The following MAP1LC3A variants were observed in gnomAD, a reference collection of about 807,000 sequenced individuals.
The protein encoded by MAP1LC3A is microtubule associated protein 1 light chain 3 alpha.
In MAP1LC3A, 10 loss-of-function variants were observed where a neutral mutation model predicts 15.2. The observed-to-expected ratio is 0.66, with a 90% confidence interval of 0.41 to 1.12. MAP1LC3A has a LOEUF of 1.12. MAP1LC3A is among the 50% of genes most tolerant of loss of function. The probability of loss-of-function intolerance (pLI) is 0.00; values close to 1 mark genes in which losing one functional copy is unlikely to be tolerated. For synonymous variants in MAP1LC3A, 63 were observed against 64.3 expected (o/e 0.98, Z 0.10); for missense variants, 138 against 167.3 (o/e 0.82, Z 0.97).
At chr20:34,559,668 G>A (rs1383551027) in intron 3 of MAP1LC3A, 68 bp from the exon 4 acceptor site, 9 of 1,490,414 alleles carry the variant, frequency 6.0e-6, no homozygotes, top group Non-Finnish European at 7.3e-6. Context: ...GAATCATTCT[G>A]GGGGTCAGGG....
At chr20:34,546,984 G>A (rs1156882612) in intron 1 of MAP1LC3A, 2 of 152,372 alleles carry the variant, frequency 1.3e-5, no homozygotes, top group Non-Finnish European at 2.9e-5. Context: ...AGTCCATGGG[G>A]CGTGAGGAGG....
rs897762735 is a variant in MAP1LC3A, at chr20:34,559,418, C to A, written c.168C>A (p.Asp56Glu). The A allele has an allele frequency of 6.2e-7, 1 of 1,613,204 alleles. No individual in the cohort carries two copies. The highest frequency in any genetic ancestry group is 1.3e-5 in the African/African-American group (1 of 74,826). The change falls in exon 3 of 4, where the codon GAC (aspartate) becomes GAA (glutamate). Residue 56 changes from aspartate (D) to glutamate (E), a missense_variant. By Grantham distance (45) the Asp-to-Glu change is conservative (BLOSUM62 2). Transcript: ENST00000360668. Reference protein sequence around the residue: ...VLDKTKFLVPDHVNMSELVKI... With the variant: ...VLDKTKFLVPEHVNMSELVKI... ...ACAAGACCAAGTTTTTGGTCCCGGACCATGTCAACATGAGCGAGTTGGTCA... is the reference window on the plus strand; with the variant it reads ...ACAAGACCAAGTTTTTGGTCCCGGAACATGTCAACATGAGCGAGTTGGTCA...
chr20:34,559,594 CG>C, intron 3 of MAP1LC3A, 141 bp downstream of exon 3: 1 of 1,233,138 alleles, frequency 8.1e-7, no homozygotes. Context: ...AGGTCAAGGT[CG>C]GGGCTGCAGT....
intron 2 of MAP1LC3A, among the ~76,000 whole-genome samples, chr20:34,552,274 C>T (rs1207005058): frequency 1.3e-5 from 2 of 152,386 alleles, no homozygotes; most frequent in East Asian, 3.9e-4. Context: ...GCTTGGGTTA[C>T]AGGCGTGAGC....
upstream of MAP1LC3A, chr20:34,558,610 GCT>G: frequency 8.2e-7 from 1 of 1,216,502 alleles, no homozygotes; most frequent in Non-Finnish European, 1.0e-6. This position sits in a 1 kb window ranked among gnomAD's most constrained non-coding sequence, Gnocchi z 4.3. Context: ...GCGGACCCAG[GCT>G]CTCTGCGCCG....
intron 1 of MAP1LC3A, among the ~76,000 whole-genome samples, chr20:34,548,315 G>T (rs1372762897): frequency 6.6e-6 from 1 of 152,228 alleles, no homozygotes; most frequent in East Asian, 1.9e-4. Flanking sequence ...GGTGTGGAGA[G>T]AACCCAGGAC....
At chr20:34,558,400 C>T, upstream of MAP1LC3A, 1 of 990,292 alleles carries the variant, frequency 1.0e-6, no homozygotes, top group Non-Finnish European at 1.2e-6. The surrounding 1 kb of genome is among the most constrained non-coding windows in gnomAD (Gnocchi z 4.3). Flanking sequence ...AGAACCGCGT[C>T]AGTCCTGACA....
upstream of MAP1LC3A, among the ~76,000 whole-genome samples, chr20:34,555,996 C>T (rs1208834988): frequency 3.3e-5 from 5 of 152,088 alleles, no homozygotes; most frequent in African/African-American, 1.2e-4. Flanking sequence ...GCGCCCGCCA[C>T]CACGCCCAGC....
chr20:34,559,272 C>A lies in MAP1LC3A; in HGVS notation c.96+9C>A. The A allele has an allele frequency of 6.2e-7, 1 of 1,601,122 alleles. No homozygotes were observed. The highest frequency in any genetic ancestry group is 2.3e-5 in the East Asian group (1 of 44,030). ...ACCCCAGCAAAATCCCGGTGAGTCCCGCACCCCCAGCCCTGCCCCGCCCCC... is the reference window on the plus strand; with the variant it reads ...ACCCCAGCAAAATCCCGGTGAGTCCAGCACCCCCAGCCCTGCCCCGCCCCC... On this transcript the variant is annotated intron_variant, in intron 2 of 3. Coordinates refer to ENST00000360668, the MANE Select transcript of MAP1LC3A (RefSeq NM_032514.4).
At chr20:34,559,524 G>T in intron 3 of MAP1LC3A, 71 bp downstream of exon 3, 1 of 1,435,394 alleles carries the variant, frequency 7.0e-7, no homozygotes, top group East Asian at 2.3e-5. Flanking sequence ...GAGAAGGGGT[G>T]GGAGTGGGGT....
upstream of MAP1LC3A, among the ~76,000 whole-genome samples, chr20:34,556,257 G>A (rs1157573740): frequency 2.0e-5 from 3 of 152,172 alleles, no homozygotes; most frequent in Non-Finnish European, 2.9e-5. Flanking sequence ...GAGCTTACGC[G>A]GCTTTTGTCT....
At chr20:34,558,491 G>A, upstream of MAP1LC3A, 1 of 1,032,530 alleles carries the variant, frequency 9.7e-7, no homozygotes, top group Non-Finnish European at 1.2e-6. The surrounding 1 kb of genome is among the most constrained non-coding windows in gnomAD (Gnocchi z 4.3). Context: ...CGGCCCCACC[G>A]CCCTCCGGGC....
At chr20:34,552,963 T>C (rs1467626917) in intron 2 of MAP1LC3A, among the ~76,000 whole-genome samples, 1 of 152,082 alleles carries the variant, frequency 6.6e-6, no homozygotes, top group Admixed American at 6.5e-5. Flanking sequence ...CCAAGGCAGG[T>C]GGATCGCCTG....
upstream of MAP1LC3A, among the ~76,000 whole-genome samples, chr20:34,556,561 G>A (rs1167859477): frequency 6.7e-6 from 1 of 150,360 alleles, no homozygotes; most frequent in Non-Finnish European, 1.5e-5. Flanking sequence ...TGGAGGACCT[G>A]GCAATTTCTC....
At chr20:34,559,148 A>T (rs1982304229) in intron 1 of MAP1LC3A, 60 bp from the exon 2 acceptor site, 2 of 1,452,018 alleles carry the variant, frequency 1.4e-6, no homozygotes, top group Non-Finnish European at 1.8e-6. Context: ...CCCCTCCGGG[A>T]CAGGCGGGGC....
rs961706019 is a variant in MAP1LC3A, at chr20:34,559,099, C to CG, written c.41-104dup. 4.4e-6 allele frequency: 6 copies of CG among 1,350,918 alleles called. No individual in the cohort carries two copies. In the African/African-American group the frequency reaches 7.8e-5, roughly 18 times the overall value. 83.7% of individuals were successfully genotyped at this position (1,350,918 alleles called of 1,614,324 possible). On this transcript the variant is annotated intron_variant, in intron 1 of 3. Transcript: ENST00000360668. ...CAGGGGCTGTGGGGCCTGATGGCCC[C>CG]GGGGGTGGGGGCTGGAGCTGGGGCG...
At chr20:34,553,937 TCTTACC>T (rs1271145181), upstream of MAP1LC3A, among the ~76,000 whole-genome samples, 1 of 152,222 alleles carries the variant, frequency 6.6e-6, no homozygotes, top group Non-Finnish European at 1.5e-5. Context: ...CAATAAACAT[TCTTACC>T]CTTGTTTCCC....
At chr20:34,555,653 ATTT>A (rs35387399), upstream of MAP1LC3A, among the ~76,000 whole-genome samples, 2 of 144,450 alleles carry the variant, frequency 1.4e-5, no homozygotes, top group Non-Finnish European at 3.1e-5. Flanking sequence ...TATAAATCTG[ATTT>A]TTTTTTTTTT....
upstream of MAP1LC3A, among the ~76,000 whole-genome samples, chr20:34,554,354 GTTTTTTTTTTTTTTTTTTTTTT>G (rs537779341): frequency 6.6e-3 from 696 of 106,144 alleles, 16 homozygotes; most frequent in African/African-American, 0.02. Context: ...TATACGTTGG[GTTTTTTTTTTTTTTTTTTTTTT>G]TTTTTTTTTT....
Sources: allele counts gnomAD v4.1 joint callset (sites outside exome capture counted in the v4.1 genomes callset), GRCh38; gene constraint gnomAD v4.1.1; non-coding constraint Gnocchi (gnomAD v3.1); transcripts MANE v1.5; gene names NCBI Gene and HGNC (gene_info 2026-07-23, HGNC 2026-07-21).